The following PTPRR variants were observed in gnomAD, a reference collection of about 807,000 sequenced individuals.
PTPRR encodes receptor-type tyrosine-protein phosphatase R.
In PTPRR, 38 loss-of-function variants were observed where a neutral mutation model predicts 77.2. The ratio of observed to expected loss-of-function variants is 0.49; its 90% CI spans 0.38 to 0.65. The LOEUF (loss-of-function observed/expected upper bound fraction) is 0.65, where lower values mean the gene tolerates loss of function less well. Ranked by LOEUF, PTPRR falls within the 30% of genes least tolerant of loss-of-function variation. PTPRR has a pLI of 0.00. For synonymous variants in PTPRR, 299 were observed against 283.1 expected, an observed-to-expected ratio of 1.06 and a Z score of -0.57; for missense variants, 744 against 799.2, an observed-to-expected ratio of 0.93 and a Z score of 0.83.
rs370283152 is a variant in PTPRR at position 70,664,227 on chromosome 12, T to C, written c.1498-1622A>G. The C allele has an allele frequency of 7.2e-5, 11 of 152,344 alleles. No homozygotes were observed. In the South Asian group the frequency reaches 2.3e-3, roughly 32 times the overall value. 9.4% of individuals were successfully genotyped at this position (152,344 alleles called of 1,614,324 possible). On this transcript the variant is annotated intron_variant, in intron 10 of 13. Transcript: ENST00000283228. ...TACTCTGGCTGACTTAATGTTAACA[T>C]TAAGAGAAGAAACCTTTTTAAAGTA...
intron 8 of PTPRR, among the ~76,000 whole-genome samples, chr12:70,688,584 G>C (rs1887952187): frequency 6.6e-6 from 1 of 152,164 alleles, no homozygotes; most frequent in Admixed American, 6.6e-5. Context: ...CTGGTAGGCT[G>C]TTGGTGAGAA....
At chr12:70,706,177 G>A (rs925815887) in intron 6 of PTPRR, among the ~76,000 whole-genome samples, 4 of 152,078 alleles carry the variant, frequency 2.6e-5, no homozygotes, top group African/African-American at 9.7e-5. Flanking sequence ...TTTAAGTTCC[G>A]AGGTTAATGG....
At chr12:70,821,536 T>G (rs530402473) in intron 2 of PTPRR, among the ~76,000 whole-genome samples, 17 of 150,424 alleles carry the variant, frequency 1.1e-4, no homozygotes, top group Non-Finnish European at 2.2e-4. Context: ...CGATCACTCT[T>G]TTATTGCCTT....
chr12:70,873,559 C>T (rs1892998240), intron 2 of PTPRR, among the ~76,000 whole-genome samples: 1 of 152,146 alleles, frequency 6.6e-6, no homozygotes, highest in African/African-American at 2.4e-5. Context: ...TTTAAGAGAA[C>T]TGAGGGATTT....
intron 13 of PTPRR, among the ~76,000 whole-genome samples, chr12:70,645,826 G>GAAA (rs34675980): frequency 3.0e-4 from 45 of 150,626 alleles, no homozygotes; most frequent in African/African-American, 1.0e-3. Flanking sequence ...GTTAGAAAGG[G>GAAA]AAAAAAAAAT....
chr12:70,785,137 C>T (rs1395340267), intron 2 of PTPRR, among the ~76,000 whole-genome samples: 2 of 152,170 alleles, frequency 1.3e-5, no homozygotes, highest in South Asian at 4.1e-4. Flanking sequence ...CTTCTGTGAA[C>T]ATGCAACTCA....
At chr12:70,903,616 C>T (rs1336978493) in intron 1 of PTPRR, among the ~76,000 whole-genome samples, 1 of 151,602 alleles carries the variant, frequency 6.6e-6, no homozygotes, top group Non-Finnish European at 1.5e-5. Flanking sequence ...GTGTAATGTA[C>T]AAACTATAGA....
At chr12:70,744,662 G>A (rs1163432268) in intron 6 of PTPRR, among the ~76,000 whole-genome samples, 1 of 152,184 alleles carries the variant, frequency 6.6e-6, no homozygotes, top group Non-Finnish European at 1.5e-5. Flanking sequence ...TTTGCATAGG[G>A]CATTGTGATG....
chr12:70,739,804 G>T (rs2136911589), intron 6 of PTPRR, among the ~76,000 whole-genome samples: 1 of 152,292 alleles, frequency 6.6e-6, no homozygotes, highest in Non-Finnish European at 1.5e-5. Context: ...GGGCTCTGGA[G>T]ACTAGAGATC....
At chr12:70,879,669 G>A (rs57269650) in intron 2 of PTPRR, among the ~76,000 whole-genome samples, 17,936 of 151,966 alleles carry the variant, frequency 0.12, 1,917 homozygotes, top group African/African-American at 0.29. Flanking sequence ...TTTTTTTCAT[G>A]CTCAATGGAT....
At chr12:70,799,975 A>G (rs1274899739) in intron 2 of PTPRR, among the ~76,000 whole-genome samples, 3 of 152,190 alleles carry the variant, frequency 2.0e-5, no homozygotes, top group Non-Finnish European at 4.4e-5. Flanking sequence ...TATGGTTAAA[A>G]TACATGACAG....
At chr12:70,728,490 A>G (rs57833831) in intron 6 of PTPRR, among the ~76,000 whole-genome samples, 3 of 112,408 alleles carry the variant, frequency 2.7e-5, no homozygotes, top group African/African-American at 1.1e-4. Flanking sequence ...ATATATATAT[A>G]TATGTATGTA....
chr12:70,870,937 A>G (rs1477190907), intron 2 of PTPRR, among the ~76,000 whole-genome samples: 1 of 152,248 alleles, frequency 6.6e-6, no homozygotes, highest in Non-Finnish European at 1.5e-5. Context: ...TAAAACAGGC[A>G]ATGGGCACAA....
At chr12:70,798,194 C>T (rs768525231) in intron 2 of PTPRR, among the ~76,000 whole-genome samples, 7 of 152,252 alleles carry the variant, frequency 4.6e-5, no homozygotes, top group Middle Eastern at 3.4e-3. Flanking sequence ...ACCTGTGAAT[C>T]ATGTTCTTCC....
intron 2 of PTPRR, among the ~76,000 whole-genome samples, chr12:70,773,682 T>G (rs749853026): frequency 2.0e-5 from 3 of 152,200 alleles, no homozygotes; most frequent in Admixed American, 2.0e-4. Context: ...TTTCTCAGCA[T>G]GTCACAGAAA....
At chr12:70,895,517 T>C (rs913717995) in intron 1 of PTPRR, among the ~76,000 whole-genome samples, 1 of 151,570 alleles carries the variant, frequency 6.6e-6, no homozygotes, top group African/African-American at 2.4e-5. Context: ...GCCTTGTTCC[T>C]GAGTAATGAG....
intron 6 of PTPRR, among the ~76,000 whole-genome samples, chr12:70,732,582 G>A (rs762985220): frequency 1.3e-5 from 2 of 152,124 alleles, no homozygotes; most frequent in Non-Finnish European, 2.9e-5. Context: ...TTCCTCCGAG[G>A]CAGAGTCTTG....
rs79927457 is a variant in PTPRR, at chr12:70,694,675, A to G, written c.1279+3590T>C. Reference sequence around the variant, plus strand: ...AAAAAAGGGAGGGAGGGAAAGGGAGAAGGGCTGAAAATCTTCCTATTGGGT... The same window carrying G: ...AAAAAAGGGAGGGAGGGAAAGGGAGGAGGGCTGAAAATCTTCCTATTGGGT... On this transcript the variant is annotated intron_variant, in intron 8 of 13. Coordinates refer to ENST00000283228, the MANE Select transcript of PTPRR (RefSeq NM_002849.4). 6.7e-3 allele frequency among the ~76,000 whole-genome samples: 1,013 copies of G among 152,180 alleles called. 9 individuals carry two copies. The highest frequency in any genetic ancestry group is 0.011 in the Non-Finnish European group (757 of 67,976).
intron 2 of PTPRR, among the ~76,000 whole-genome samples, chr12:70,773,844 G>A (rs1891034195): frequency 6.6e-6 from 1 of 152,176 alleles, no homozygotes; most frequent in African/African-American, 2.4e-5. Context: ...GCCTAAATAT[G>A]CATCCATTAT....
Sources: gnomAD v4.1 joint callset for allele counts (sites outside exome capture counted in the v4.1 genomes callset) on GRCh38, gnomAD v4.1.1 for gene constraint, MANE v1.5 for transcripts, NCBI Gene and HGNC (gene_info 2026-07-23, HGNC 2026-07-21) for gene names.